DEPDC5: variants seen among roughly 807,000 people sequenced by gnomAD.
DEPDC5 encodes the protein DEP domain containing 5, GATOR1 subcomplex subunit.
DEPDC5 carries 73 observed loss-of-function variants against 217.3 expected under a neutral mutation model. That is an observed-to-expected ratio of 0.34 (90% CI 0.28 to 0.41). The LOEUF (loss-of-function observed/expected upper bound fraction) is 0.41. Among genes scored for constraint, DEPDC5 ranks in the 10% least tolerant of loss-of-function variants. The probability of loss-of-function intolerance (pLI) is 1.00; values close to 1 mark genes in which losing one functional copy is unlikely to be tolerated. For synonymous variants in DEPDC5, 733 were observed against 756.7 expected (o/e 0.97, Z 0.51); for missense variants, 1,675 against 2,070.1 (o/e 0.81, Z 3.70).
chr22:31,816,879 G>T (rs973091736), intron 21 of DEPDC5: 1 of 153,796 alleles, frequency 6.5e-6, no homozygotes, highest in Non-Finnish European at 1.5e-5. Flanking sequence ...CACATCTTGG[G>T]TGCTTTGTTC....
At chr22:31,760,512 TTGTTTCTGA>T in intron 3 of DEPDC5, 135 bp from the exon 4 acceptor site, 7 of 693,096 alleles carry the variant, frequency 1.0e-5, no homozygotes, top group Non-Finnish European at 1.4e-5. Context: ...CCGAGTTTCT[TTGTTTCTGA>T]GGGAGCTTTC....
chr22:31,857,222 A>T lies in DEPDC5; in HGVS notation c.3156-223A>T, dbSNP rs1232966361. On this transcript the variant is annotated intron_variant, in intron 31 of 42. Coordinates refer to ENST00000651528, the MANE Select transcript of DEPDC5 (RefSeq NM_001242896.3). The stretch of plus-strand genomic sequence containing the variant: ...TATATAAGCACCAGATGCTGCCAGA[A>T]TGCTTTTAAAGTTGGGCTATTTTCT... 2.0e-5 allele frequency among the ~76,000 whole-genome samples: 3 copies of T among 152,298 alleles called. No homozygotes were observed. In the South Asian group the frequency reaches 6.2e-4, roughly 32 times the overall value.
chr22:31,867,939 T>C (rs2092732480), intron 33 of DEPDC5, among the ~76,000 whole-genome samples: 1 of 152,222 alleles, frequency 6.6e-6, no homozygotes. Context: ...GCCACTCTTA[T>C]ATGCATAAGA....
intron 10 of DEPDC5, among the ~76,000 whole-genome samples, chr22:31,789,983 C>G (rs113067125): frequency 6.6e-6 from 1 of 152,056 alleles, no homozygotes; most frequent in African/African-American, 2.4e-5. Flanking sequence ...AATAATAGAC[C>G]CTCTCACCAC....
At chr22:31,821,952 T>C (rs1316310493) in intron 23 of DEPDC5, among the ~76,000 whole-genome samples, 2 of 152,224 alleles carry the variant, frequency 1.3e-5, no homozygotes, top group South Asian at 2.1e-4. Flanking sequence ...AGGAAATTCT[T>C]TGGATTTGGA....
intron 4 of DEPDC5, among the ~76,000 whole-genome samples, chr22:31,762,719 C>T (rs991396812): frequency 8.5e-5 from 13 of 152,108 alleles, no homozygotes; most frequent in South Asian, 2.1e-4. Flanking sequence ...GCTGAGATCA[C>T]GCCATTGCAC....
At chr22:31,819,335 A>G (rs1322094141) in intron 22 of DEPDC5, 110 bp downstream of exon 22, 29 of 1,191,858 alleles carry the variant, frequency 2.4e-5, no homozygotes, top group Non-Finnish European at 3.3e-5. Context: ...TCCACCTGTA[A>G]GATGGGATAA....
At chr22:31,767,190 G>A (rs995930489) in intron 6 of DEPDC5, among the ~76,000 whole-genome samples, 2 of 151,786 alleles carry the variant, frequency 1.3e-5, no homozygotes, top group African/African-American at 4.8e-5. Flanking sequence ...CCCCAAGCTG[G>A]AGTGAAATGG....
chr22:31,849,447 G>A (rs1443134942), intron 31 of DEPDC5, among the ~76,000 whole-genome samples: 1 of 152,072 alleles, frequency 6.6e-6, no homozygotes, highest in Non-Finnish European at 1.5e-5. Context: ...CAGCAGCAAG[G>A]AGAAGTGCAG....
intron 22 of DEPDC5, 41 bp downstream of exon 22, chr22:31,819,266 C>A: frequency 1.2e-6 from 2 of 1,607,462 alleles, no homozygotes; most frequent in South Asian, 1.1e-5. Context: ...ACTAGGAGCT[C>A]CTAGCCCTGG....
chr22:31,870,898 G>C (rs771306322), intron 34 of DEPDC5, among the ~76,000 whole-genome samples, 154 bp downstream of exon 34: 3 of 152,208 alleles, frequency 2.0e-5, no homozygotes, highest in Non-Finnish European at 2.9e-5. Context: ...AACCACATCT[G>C]TATGATGGGA....
In DEPDC5 at chr22:31,836,998, G is replaced by A; in HGVS notation, c.2197G>A (p.Val733Met). 1 of 1,613,738 alleles carries A rather than the reference G, an allele frequency of 6.2e-7. No individual in the cohort carries two copies. ...TCTGACACTGTCTGCTCCCCCTGTAGTGCCAGGCTTCTGTTGCACAGTTGG... is the reference window on the plus strand; with the variant it reads ...TCTGACACTGTCTGCTCCCCCTGTAATGCCAGGCTTCTGTTGCACAGTTGG... ...PILTLSAPPV[V>M]PGFCCTVGVD... Residue 733 changes from valine (V) to methionine (M), a missense_variant, in exon 26 of 43, where the codon GTG becomes ATG. By Grantham distance (21) the Val-to-Met change is conservative. Transcript: ENST00000651528.
chr22:31,791,822 G>A (rs902386505), intron 10 of DEPDC5, among the ~76,000 whole-genome samples: 1 of 149,798 alleles, frequency 6.7e-6, no homozygotes, highest in Non-Finnish European at 1.5e-5. Flanking sequence ...AGCTACTTGG[G>A]AGGCTGAGGC....
chr22:31,819,253 T>C, intron 22 of DEPDC5, 28 bp downstream of exon 22: 1 of 1,612,608 alleles, frequency 6.2e-7, no homozygotes. Context: ...GAGAGAGCCT[T>C]GGACTAGGAG....
intron 15 of DEPDC5, among the ~76,000 whole-genome samples, chr22:31,803,344 G>A (rs961777194): frequency 2.0e-5 from 3 of 151,974 alleles, no homozygotes; most frequent in Non-Finnish European, 4.4e-5. Context: ...CCAAGTAGCT[G>A]GGACTACAGG....
At chr22:31,756,038 A>G (rs75175231) in intron 2 of DEPDC5, among the ~76,000 whole-genome samples, 44 of 116,864 alleles carry the variant, frequency 3.8e-4, no homozygotes, top group African/African-American at 1.3e-3. Context: ...ACACCTGGCT[A>G]TTTTTTTTTT....
intron 34 of DEPDC5, 166 bp from the exon 35 acceptor site, chr22:31,873,089 A>C (rs1036815055): frequency 1.0e-5 from 14 of 1,360,932 alleles, no homozygotes; most frequent in Non-Finnish European, 1.2e-5. Context: ...GAAACCCCCT[A>C]TGAGATAACC....
chr22:31,811,553 GTT>G (rs772904154), intron 20 of DEPDC5, among the ~76,000 whole-genome samples: 9 of 138,062 alleles, frequency 6.5e-5, no homozygotes, highest in Admixed American at 1.5e-4. Context: ...TATGGTAGTT[GTT>G]TTTTTTTTTT....
In DEPDC5 at chr22:31,873,331, T is replaced by A. The variant is rs2092902406; in HGVS notation, c.3562T>A (p.Ser1188Thr). ...GATCCTGGAAGCCATGAAGCACCCC[T>A]CGTAAGTGGCTCACCACAGTGTAGG... ...TEILEAMKHP[S>T]TGVQLLSEQK... Residue 1188 changes from serine to threonine, a missense_variant and splice_region_variant, in exon 35 of 43, where the codon TCG becomes ACG. Physicochemically the swap from Ser to Thr is moderately conservative, Grantham distance 58. Transcript: ENST00000651528. 6.2e-7 allele frequency: 1 copy of A among 1,613,778 alleles called. No homozygotes were observed. Among genetic ancestry groups the A allele is most frequent in the African/African-American group, 1.3e-5 (1 of 75,024 alleles).
Sources: gnomAD v4.1 joint callset for allele counts (sites outside exome capture counted in the v4.1 genomes callset) on GRCh38, gnomAD v4.1.1 for gene constraint, MANE v1.5 for transcripts, NCBI Gene and HGNC (gene_info 2026-07-23, HGNC 2026-07-21) for gene names.